The following DYM variants were observed in gnomAD, a reference collection of about 807,000 sequenced individuals.
The protein encoded by DYM is dymeclin, also known as dyggve-Melchior-Clausen syndrome protein.
A neutral mutation model predicts 93.1 loss-of-function variants in DYM; 78 were observed. The observed-to-expected ratio is 0.84, with a 90% CI of 0.70 to 1.01. The LOEUF (loss-of-function observed/expected upper bound fraction) is 1.01, where lower values mean the gene tolerates loss of function less well. DYM is among the 50% of genes least tolerant of loss of function. DYM has a pLI of 0.00. For synonymous variants in DYM, 321 were observed against 319.7 expected (o/e 1.00, Z -0.04); for missense variants, 789 against 845.0 (o/e 0.93, Z 0.82).
chr18:49,400,595 A>G lies in DYM; in HGVS notation c.141-8950T>C, dbSNP rs1177736891. 2.0e-5 allele frequency among the ~76,000 whole-genome samples: 3 copies of G among 152,208 alleles called. No homozygotes were observed. In the East Asian group the frequency reaches 5.8e-4, roughly 29 times the overall value. On this transcript the variant is annotated intron_variant, in intron 2 of 17. Transcript: ENST00000675505. ...TAATTATTTATTAACTAAAGGAGTC[A>G]TAGAGCTCTGTTTGTTGCAGGATGC...
At chr18:49,418,250 G>A (rs1600099216) in intron 2 of DYM, among the ~76,000 whole-genome samples, 1 of 151,976 alleles carries the variant, frequency 6.6e-6, no homozygotes, top group Non-Finnish European at 1.5e-5. Context: ...AGCCTCAGAT[G>A]CCTATGAACC....
In DYM at chr18:49,439,915, G is replaced by T. The variant is rs771395333; in HGVS notation, c.-53-9468C>A. ...GCTACTCAGAAGGCTGAGGCAGGAG[G>T]ATCACCTGAAATCCAGGATTTTGAA... On this transcript the variant is annotated intron_variant, in intron 1 of 17. Coordinates refer to ENST00000675505, the MANE Select transcript of DYM (RefSeq NM_001353214.3). Among the ~76,000 whole-genome samples, 10 of 151,566 alleles carry T rather than the reference G, an allele frequency of 6.6e-5. No individual in the cohort carries two copies. The East Asian group carries it at 1.9e-3, about 29-fold the overall frequency.
intron 1 of DYM, among the ~76,000 whole-genome samples, chr18:49,430,862 C>T (rs958864666): frequency 3.5e-5 from 5 of 142,158 alleles, no homozygotes; most frequent in Non-Finnish European, 7.5e-5. Flanking sequence ...TCCAGCCTGG[C>T]GACAGAGCAA....
chr18:49,098,491 G>C (rs1352644741), intron 16 of DYM, among the ~76,000 whole-genome samples: 1 of 152,156 alleles, frequency 6.6e-6, no homozygotes, highest in Non-Finnish European at 1.5e-5. Context: ...AAATGCATTT[G>C]TTCTGGAAGG....
At chr18:49,353,024 G>A (rs1319199156) in intron 6 of DYM, among the ~76,000 whole-genome samples, 1 of 152,020 alleles carries the variant, frequency 6.6e-6, no homozygotes, top group Non-Finnish European at 1.5e-5. Flanking sequence ...GGTCCAAAAT[G>A]TAGAAACAAA....
intron 14 of DYM, among the ~76,000 whole-genome samples, chr18:49,170,716 T>A (rs781161625): frequency 2.3e-5 from 3 of 131,080 alleles, no homozygotes; most frequent in Non-Finnish European, 3.1e-5. Flanking sequence ...GAGGCAGAGG[T>A]TGCAGTGAGC....
chr18:49,192,861 T>G (rs1018766863), intron 14 of DYM, among the ~76,000 whole-genome samples: 1 of 152,112 alleles, frequency 6.6e-6, no homozygotes, highest in Non-Finnish European at 1.5e-5. Context: ...ACTAAACTCA[T>G]AGAAGTAGAC....
chr18:49,392,681 TAAAAAAAAAAAAAA>T (rs869086187), intron 2 of DYM, among the ~76,000 whole-genome samples: 10 of 68,502 alleles, frequency 1.5e-4, no homozygotes, highest in African/African-American at 4.7e-4. Flanking sequence ...GGCTTTTATT[TAAAAAAAAAAAAAA>T]AAAAAAAAAA....
chr18:49,392,033 G>A (rs2069318410), intron 2 of DYM, among the ~76,000 whole-genome samples: 1 of 152,048 alleles, frequency 6.6e-6, no homozygotes, highest in Non-Finnish European at 1.5e-5. Context: ...GGAAATACAT[G>A]GAGTGTCATG....
chr18:49,258,417 A>G lies in DYM; in HGVS notation c.1328T>C (p.Val443Ala), dbSNP rs1353887521. ...CATGTTGTATTGAATGGTTCTTATT[A>G]CCACCAGGATCAGGAGACTCCCCAA... is the stretch of plus-strand genomic sequence containing the variant. ...ISLGSLLILV[V>A]IRTIQYNMTR... is the part of the protein sequence containing the mutation. The change falls in exon 12 of 18, where the codon GTA becomes GCA. Residue 443 changes from valine to alanine, a missense_variant. By Grantham distance (64) the Val-to-Ala change is moderately conservative. Coordinates refer to ENST00000675505, the MANE Select transcript of DYM (RefSeq NM_001353214.3). 31 of 1,613,146 alleles carry G rather than the reference A, an allele frequency of 1.9e-5. No homozygotes were observed. Among genetic ancestry groups the G allele is most frequent in the Non-Finnish European group, 2.5e-5 (30 of 1,179,236 alleles).
At chr18:49,189,222 G>A (rs2090739118) in intron 14 of DYM, among the ~76,000 whole-genome samples, 1 of 152,120 alleles carries the variant, frequency 6.6e-6, no homozygotes, top group African/African-American at 2.4e-5. Flanking sequence ...TCACTATATG[G>A]GTGACGGGAT....
chr18:49,380,063 A>C (rs1218347841), intron 3 of DYM, among the ~76,000 whole-genome samples: 2 of 150,644 alleles, frequency 1.3e-5, no homozygotes, highest in African/African-American at 2.4e-5. Flanking sequence ...TTACACACTA[A>C]ATCTTTCTCT....
At chr18:49,046,220 C>G (rs1159789697) in intron 17 of DYM, among the ~76,000 whole-genome samples, 2 of 148,014 alleles carry the variant, frequency 1.4e-5, no homozygotes, top group Non-Finnish European at 3.0e-5. Flanking sequence ...ACCACAGACT[C>G]ACACACATAA....
At chr18:49,087,816 T>C (rs55831752) in intron 17 of DYM, among the ~76,000 whole-genome samples, 49,695 of 151,468 alleles carry the variant, frequency 0.33, 9,137 homozygotes, top group Middle Eastern at 0.46. Flanking sequence ...CCATTCTAAC[T>C]GGTGTGAGAT....
Position 49,163,720 on chromosome 18 carries a change from A to G in DYM, c.1693T>C (p.Ser565Pro), listed in dbSNP as rs1213248062. ...AGAGGAACATCATTAGAACTCAGCGAACCTCTCAAGGACTGTGTGGCTTGT... is the reference window on the plus strand; with the variant it reads ...AGAGGAACATCATTAGAACTCAGCGGACCTCTCAAGGACTGTGTGGCTTGT... ...LEQATQSLRG[S>P]LSSNDVPLPD... Residue 565 changes from serine to proline, a missense_variant, in exon 15 of 18, where the codon TCG becomes CCG. Around this residue, in one of 3 missense-constraint regions of DYM, gnomAD observed 225 missense variants for 303.0 expected, o/e 0.74. Transcript: ENST00000675505. 1 of 1,612,686 alleles carries G rather than the reference A, an allele frequency of 6.2e-7. No individual in the cohort carries two copies. The highest frequency in any genetic ancestry group is 1.3e-5 in the African/African-American group (1 of 74,902).
intron 10 of DYM, among the ~76,000 whole-genome samples, chr18:49,277,661 G>GC (rs1390213614): frequency 6.6e-6 from 1 of 152,150 alleles, no homozygotes; most frequent in African/African-American, 2.4e-5. Flanking sequence ...TGAGAACACA[G>GC]CAAGTATATG....
intron 6 of DYM, among the ~76,000 whole-genome samples, chr18:49,347,576 C>A (rs2064708659): frequency 6.6e-6 from 1 of 152,218 alleles, no homozygotes; most frequent in African/African-American, 2.4e-5. Flanking sequence ...CAAATAACTT[C>A]TCTGCGTCTC....
chr18:49,289,449 A>G (rs1364392896), intron 8 of DYM, among the ~76,000 whole-genome samples: 1 of 144,462 alleles, frequency 6.9e-6, no homozygotes, highest in Admixed American at 6.9e-5. Context: ...CAAAATTAAA[A>G]TGGGCAATAA....
chr18:49,137,828 T>C (rs756605945), intron 15 of DYM, among the ~76,000 whole-genome samples: 1 of 152,182 alleles, frequency 6.6e-6, no homozygotes, highest in Non-Finnish European at 1.5e-5. Flanking sequence ...AGAAAGTGTT[T>C]TGTAGTGAAC....
Sources: allele counts gnomAD v4.1 joint callset (sites outside exome capture counted in the v4.1 genomes callset), GRCh38; gene constraint gnomAD v4.1.1; regional missense constraint gnomAD v4.1.1; transcripts MANE v1.5; gene names NCBI Gene and HGNC (gene_info 2026-07-23, HGNC 2026-07-21).